Variants in MLIP observed in about 807,000 individuals in gnomAD.
MLIP encodes muscular LMNA-interacting protein.
Under a neutral mutation model 84.8 loss-of-function variants are expected in MLIP, and 79 were observed. The observed-to-expected ratio is 0.93, with a 90% CI of 0.78 to 1.12. The LOEUF (loss-of-function observed/expected upper bound fraction) is 1.12. Ranked by LOEUF, MLIP falls within the 50% of genes most tolerant of loss-of-function variation. The pLI, the probability that MLIP is intolerant of heterozygous loss-of-function variation, is 0.00. For synonymous variants in MLIP, 504 were observed against 463.0 expected (o/e 1.09, Z -1.14); for missense variants, 1,257 against 1,160.6 (o/e 1.08, Z -1.21).
chr6:54,232,895 A>C (rs1049435806), intron 12 of MLIP, among the ~76,000 whole-genome samples: 1 of 152,180 alleles, frequency 6.6e-6, no homozygotes, highest in Non-Finnish European at 1.5e-5. Context: ...GTCCCTCTTC[A>C]GCTGGGCTAC....
At chr6:54,159,343 G>C (rs1321888) in intron 5 of MLIP, among the ~76,000 whole-genome samples, 58 of 152,122 alleles carry the variant, frequency 3.8e-4, no homozygotes, top group South Asian at 1.0e-3. Flanking sequence ...GCTGAAAATC[G>C]AAATTTGAAT....
intron 1 of MLIP, chr6:54,083,536 C>T (rs1293785384): frequency 6.5e-7 from 1 of 1,535,762 alleles, no homozygotes; most frequent in African/African-American, 1.4e-5. Flanking sequence ...GCCGTTACAA[C>T]CACTGCTTTC....
chr6:54,156,735 A>C lies in MLIP; in HGVS notation c.2290-3632A>C, dbSNP rs149877529. 7.5e-3 allele frequency among the ~76,000 whole-genome samples: 1,147 copies of C among 152,218 alleles called. 6 individuals are homozygous for C. The highest frequency in any genetic ancestry group is 0.014 in the Non-Finnish European group (928 of 67,992). On this transcript the variant is annotated intron_variant, in intron 5 of 13. Transcript: ENST00000502396. Reference sequence around the variant, plus strand: ...ACTTCATTTATTCATTGGTTTACCCAGTGATTCATCATAAAGACCTTCACT... The same window carrying C: ...ACTTCATTTATTCATTGGTTTACCCCGTGATTCATCATAAAGACCTTCACT...
intron 5 of MLIP, among the ~76,000 whole-genome samples, chr6:54,158,708 A>G (rs1337898528): frequency 2.0e-5 from 3 of 151,880 alleles, no homozygotes; most frequent in African/African-American, 7.3e-5. Context: ...CTGAGCTCAT[A>G]AAAAAAAGTG....
intron 8 of MLIP, among the ~76,000 whole-genome samples, chr6:54,161,544 C>T (rs1236762117): frequency 6.6e-6 from 1 of 151,742 alleles, no homozygotes; most frequent in African/African-American, 2.4e-5. Context: ...TAGTTATTAG[C>T]TACTGATTTT....
At chr6:54,169,406 G>T (rs948718677) in intron 8 of MLIP, 122 bp from the exon 9 acceptor site, 2 of 528,524 alleles carry the variant, frequency 3.8e-6, no homozygotes, top group Non-Finnish European at 6.5e-6. Flanking sequence ...AAATGATATT[G>T]TATAGAGAGA....
In MLIP at chr6:54,199,108, C is replaced by A. The variant is rs142989370; in HGVS notation, c.2590-2997C>A. On this transcript the variant is annotated intron_variant, in intron 10 of 13. Coordinates refer to ENST00000502396, the MANE Select transcript of MLIP (RefSeq NM_001281747.2). ...TGACAGTGGAAATAAAACAGAGAAA[C>A]AATAAATTTTAAAGGAATAAAACAT... Among the ~76,000 whole-genome samples, 323 of 152,150 alleles carry A rather than the reference C, an allele frequency of 2.1e-3. 2 individuals carry two copies. The highest frequency in any genetic ancestry group is 7.4e-3 in the African/African-American group (308 of 41,548).
intron 1 of MLIP, among the ~76,000 whole-genome samples, chr6:54,073,557 T>A (rs1766613810): frequency 6.6e-6 from 1 of 152,208 alleles, no homozygotes; most frequent in Non-Finnish European, 1.5e-5. Context: ...TTTAGAACAG[T>A]GATTGTCAGA....
intron 10 of MLIP, among the ~76,000 whole-genome samples, chr6:54,200,547 C>G (rs1259479837): frequency 6.6e-6 from 1 of 150,586 alleles, no homozygotes. Flanking sequence ...AGGATCATGG[C>G]CCAGATATCA....
At chr6:54,048,821 T>C (rs1765217783) in intron 1 of MLIP, among the ~76,000 whole-genome samples, 1 of 152,082 alleles carries the variant, frequency 6.6e-6, no homozygotes. Context: ...GAGTCTTGTA[T>C]TGGCTGAGTT....
At chr6:54,193,284 T>C (rs187937605) in intron 10 of MLIP, among the ~76,000 whole-genome samples, 17 of 152,262 alleles carry the variant, frequency 1.1e-4, no homozygotes, top group Admixed American at 2.6e-4. Flanking sequence ...TCACTGGAGA[T>C]TGGAATAACG....
intron 1 of MLIP, among the ~76,000 whole-genome samples, chr6:54,098,317 A>C (rs187707061): frequency 1.4e-3 from 173 of 124,640 alleles, no homozygotes; most frequent in African/African-American, 4.9e-3. Flanking sequence ...ATGCCAGGCT[A>C]ATTTTTTAAT....
At chr6:54,132,403 G>A (rs111568285) in intron 3 of MLIP, among the ~76,000 whole-genome samples, 1,682 of 152,258 alleles carry the variant, frequency 0.011, 35 homozygotes, top group African/African-American at 0.038. Flanking sequence ...GTGATTCAGA[G>A]TACACAAGGA....
At chr6:54,053,227 C>A (rs1334949870) in intron 1 of MLIP, among the ~76,000 whole-genome samples, 1 of 152,130 alleles carries the variant, frequency 6.6e-6, no homozygotes, top group Admixed American at 6.6e-5. Context: ...TGGGTTGAAC[C>A]ATGTGGAATT....
At position 54,088,708 on chromosome 6, in the gene MLIP, G is replaced by A. The variant is rs556124189; in HGVS notation, c.64-32739G>A. 5.3e-5 allele frequency among the ~76,000 whole-genome samples: 8 copies of A among 152,228 alleles called. No homozygotes were observed. In the South Asian group the frequency reaches 6.2e-4, roughly 12 times the overall value. Reference sequence around the variant, plus strand: ...GTCTCATAATTGGTAAGCAAATCTCGCGGTTGTGCCAGGTGATCCATTAGG... The same window carrying A: ...GTCTCATAATTGGTAAGCAAATCTCACGGTTGTGCCAGGTGATCCATTAGG... On this transcript the variant is annotated intron_variant, in intron 1 of 12. Transcript: ENST00000274897.
chr6:54,105,916 C>A (rs573311448), intron 1 of MLIP, among the ~76,000 whole-genome samples: 2 of 152,082 alleles, frequency 1.3e-5, no homozygotes, highest in Non-Finnish European at 2.9e-5. Flanking sequence ...AGAACTGATA[C>A]TCTTGGTAAC....
Position 54,230,869 on chromosome 6 carries a change from T to C in MLIP, c.2874T>C (p.Asp958=). The change falls in exon 12 of 14, where the codon GAT becomes GAC. Residue 958 remains aspartate, a synonymous_variant. Coordinates refer to ENST00000502396, the MANE Select transcript of MLIP (RefSeq NM_001281747.2). ...PFSHLSFSLS[D]EQENSHTLLS... ...GTCATCTGTCCTTCTCCTTGAGTGATGAACAGGAGAATTCTCACACCCTCC... is the reference window on the plus strand; with the variant it reads ...GTCATCTGTCCTTCTCCTTGAGTGACGAACAGGAGAATTCTCACACCCTCC... The C allele has an allele frequency of 1.2e-6, 2 of 1,614,022 alleles. No homozygotes were observed. The highest frequency in any genetic ancestry group is 1.7e-6 in the Non-Finnish European group (2 of 1,179,970).
At chr6:54,261,043 C>T (rs1159299118) in intron 13 of MLIP, among the ~76,000 whole-genome samples, 8 of 151,916 alleles carry the variant, frequency 5.3e-5, no homozygotes, top group Non-Finnish European at 1.2e-4. Flanking sequence ...ACTGTTCACA[C>T]CAATGCAGTA....
intron 1 of MLIP, among the ~76,000 whole-genome samples, chr6:54,067,798 C>A (rs1173574197): frequency 2.0e-5 from 2 of 100,884 alleles, no homozygotes; most frequent in African/African-American, 5.1e-5. Flanking sequence ...ACAAAACTCA[C>A]TGTAGTAATC....
Sources: allele counts gnomAD v4.1 joint callset (sites outside exome capture counted in the v4.1 genomes callset), GRCh38; gene constraint gnomAD v4.1.1; transcripts MANE v1.5; gene names NCBI Gene and HGNC (gene_info 2026-07-23, HGNC 2026-07-21).